Variants in TRAPPC9 observed in about 807,000 individuals in gnomAD.
The protein encoded by TRAPPC9 is IKK2 binding protein.
TRAPPC9 carries 83 observed loss-of-function variants against 124.0 expected under a neutral mutation model. That is an observed-to-expected ratio of 0.67 (90% CI 0.56 to 0.80). The LOEUF (loss-of-function observed/expected upper bound fraction) is 0.80. Among genes scored for constraint, TRAPPC9 ranks in the 30% least tolerant of loss-of-function variants. TRAPPC9 has a pLI of 0.00. For synonymous variants in TRAPPC9, 638 were observed against 617.5 expected (o/e 1.03, Z -0.49); for missense variants, 1,302 against 1,508.3 (o/e 0.86, Z 2.27).
intron 21 of TRAPPC9, among the ~76,000 whole-genome samples, chr8:139,867,106 T>C (rs1828597428): frequency 6.6e-6 from 1 of 152,208 alleles, no homozygotes; most frequent in South Asian, 2.1e-4. Flanking sequence ...AATGCTGGGA[T>C]TACAGGCATG....
chr8:140,140,207 G>A (rs934821102), intron 17 of TRAPPC9, among the ~76,000 whole-genome samples: 8 of 152,252 alleles, frequency 5.3e-5, no homozygotes, highest in South Asian at 2.1e-4. Flanking sequence ...AATCAGGAGC[G>A]GCTCTCTCCT....
At chr8:140,365,937 A>G (rs928407910) in intron 8 of TRAPPC9, among the ~76,000 whole-genome samples, 1 of 152,132 alleles carries the variant, frequency 6.6e-6, no homozygotes. Context: ...TCCACCCTCC[A>G]AAAGGCCCCA....
chr8:140,065,770 G>A (rs780898712), intron 17 of TRAPPC9, among the ~76,000 whole-genome samples: 7 of 152,184 alleles, frequency 4.6e-5, no homozygotes, highest in Admixed American at 6.5e-5. Context: ...AATGCACCAC[G>A]TCACGTAAGA....
At chr8:140,088,863 G>A (rs1402121644) in intron 17 of TRAPPC9, among the ~76,000 whole-genome samples, 1 of 152,148 alleles carries the variant, frequency 6.6e-6, no homozygotes, top group Non-Finnish European at 1.5e-5. Context: ...AGCAAGTAGA[G>A]TACGATCCAC....
At chr8:139,816,098 C>A (rs1010219876) in intron 21 of TRAPPC9, among the ~76,000 whole-genome samples, 1 of 152,140 alleles carries the variant, frequency 6.6e-6, no homozygotes, top group African/African-American at 2.4e-5. Flanking sequence ...TTGGGAAGCA[C>A]AGAGTGGGTG....
At position 139,983,808 on chromosome 8, in the gene TRAPPC9, G is replaced by A. The variant is rs138483608; in HGVS notation, c.2810+4918C>T. Among the ~76,000 whole-genome samples the A allele has an allele frequency of 3.9e-4, 60 of 152,178 alleles. 1 individual carries two copies. The highest frequency in any genetic ancestry group is 3.3e-3 in the East Asian group (17 of 5,158). On this transcript the variant is annotated intron_variant, in intron 19 of 22. Coordinates refer to ENST00000438773, the MANE Select transcript of TRAPPC9 (RefSeq NM_001160372.4). ...CCATCCCAAGCTTGGCTCCAGCATC[G>A]TCTCCCCTTGGTGTGTGGAGCAGCA...
At chr8:140,289,175 G>T (rs199508735) in intron 12 of TRAPPC9, among the ~76,000 whole-genome samples, 45 of 3,146 alleles carry the variant, frequency 0.014, no homozygotes, top group African/African-American at 0.065. Context: ...TATATATATA[G>T]TGTGTGTGTG....
chr8:139,740,286 T>C (rs1818466490), intron 21 of TRAPPC9, among the ~76,000 whole-genome samples: 1 of 152,214 alleles, frequency 6.6e-6, no homozygotes, highest in Admixed American at 6.5e-5. Flanking sequence ...TGGCCCAGAA[T>C]TCCTCCTGAA....
chr8:140,080,980 T>C (rs1048456038), intron 17 of TRAPPC9, among the ~76,000 whole-genome samples: 2 of 152,214 alleles, frequency 1.3e-5, no homozygotes, highest in African/African-American at 4.8e-5. Context: ...TAGCCCATGG[T>C]GTCCACGGTA....
At chr8:139,877,286 C>T (rs919475162) in intron 21 of TRAPPC9, among the ~76,000 whole-genome samples, 26 of 152,224 alleles carry the variant, frequency 1.7e-4, no homozygotes, top group African/African-American at 6.0e-4. Context: ...AATGCCTAGC[C>T]CCATTAGTCA....
chr8:140,425,284 G>A (rs1437164692), intron 5 of TRAPPC9, among the ~76,000 whole-genome samples: 2 of 152,190 alleles, frequency 1.3e-5, no homozygotes, highest in Non-Finnish European at 2.9e-5. Flanking sequence ...CTCTCCCATT[G>A]GTAAAGAGAA....
At chr8:140,367,636 GA>G (rs963274252) in intron 8 of TRAPPC9, among the ~76,000 whole-genome samples, 1 of 152,100 alleles carries the variant, frequency 6.6e-6, no homozygotes, top group African/African-American at 2.4e-5. Flanking sequence ...TTCTCTGTAT[GA>G]TATCATAATG....
chr8:140,281,748 GA>G (rs1245162164), intron 14 of TRAPPC9, among the ~76,000 whole-genome samples: 4 of 152,066 alleles, frequency 2.6e-5, no homozygotes, highest in Non-Finnish European at 4.4e-5. Flanking sequence ...TCAGGTCTAC[GA>G]TCCCTTTTGA....
intron 17 of TRAPPC9, among the ~76,000 whole-genome samples, chr8:140,126,262 G>A (rs1280756151): frequency 6.6e-6 from 1 of 152,102 alleles, no homozygotes; most frequent in African/African-American, 2.4e-5. Context: ...GGGAGGGAGA[G>A]GACCAGGCTG....
intron 19 of TRAPPC9, among the ~76,000 whole-genome samples, chr8:139,979,991 GCTC>G (rs1836780290): frequency 2.0e-5 from 3 of 152,250 alleles, no homozygotes; most frequent in South Asian, 4.1e-4. Context: ...GAAGCGATCT[GCTC>G]TCCCTGGGCC....
chr8:140,449,691 T>C (rs7841387), intron 2 of TRAPPC9, among the ~76,000 whole-genome samples: 84,739 of 152,040 alleles, frequency 0.56, 23,789 homozygotes, highest in Non-Finnish European at 0.57. Context: ...CTTGGCTGCT[T>C]TGTAAGTGAG....
intron 17 of TRAPPC9, among the ~76,000 whole-genome samples, chr8:140,167,154 A>ATG (rs2061854456): frequency 6.6e-6 from 1 of 152,204 alleles, no homozygotes; most frequent in African/African-American, 2.4e-5. Flanking sequence ...TCAAAAAAAA[A>ATG]AAAAACTTGT....
At chr8:139,826,349 G>A (rs940798140) in intron 21 of TRAPPC9, among the ~76,000 whole-genome samples, 4 of 152,210 alleles carry the variant, frequency 2.6e-5, no homozygotes, top group Non-Finnish European at 5.9e-5. Context: ...GACAGTGTGG[G>A]CCAGACAAGA....
intron 18 of TRAPPC9, among the ~76,000 whole-genome samples, chr8:140,016,014 A>G (rs1224709480): frequency 6.6e-6 from 1 of 152,188 alleles, no homozygotes; most frequent in Non-Finnish European, 1.5e-5. Context: ...CAGAAACCCA[A>G]CATTAACACC....
Sources: allele counts gnomAD v4.1 joint callset (sites outside exome capture counted in the v4.1 genomes callset), GRCh38; gene constraint gnomAD v4.1.1; transcripts MANE v1.5; gene names NCBI Gene and HGNC (gene_info 2026-07-23, HGNC 2026-07-21).